The following KCNH7 variants were observed in gnomAD, a reference collection of about 807,000 sequenced individuals.
KCNH7 encodes voltage-gated inwardly rectifying potassium channel KCNH7.
KCNH7 carries 49 observed loss-of-function variants against 120.8 expected under a neutral mutation model. That is an observed-to-expected ratio of 0.41 (90% CI 0.32 to 0.51). The LOEUF (loss-of-function observed/expected upper bound fraction) is 0.51, where lower values mean the gene tolerates loss of function less well. Ranked by LOEUF, KCNH7 falls within the 20% of genes least tolerant of loss-of-function variation. KCNH7 has a pLI of 0.38. For synonymous variants in KCNH7, 547 were observed against 516.1 expected, an observed-to-expected ratio of 1.06 and a Z score of -0.81; for missense variants, 1,097 against 1,446.6, an observed-to-expected ratio of 0.76 and a Z score of 3.92.
chr2:162,828,564 A>G (rs1685368752), intron 2 of KCNH7, among the ~76,000 whole-genome samples: 1 of 152,158 alleles, frequency 6.6e-6, no homozygotes, highest in Admixed American at 6.6e-5. Context: ...AATGATACAT[A>G]AAAACACTCC....
chr2:162,587,578 T>TAC (rs369881598), intron 2 of KCNH7, among the ~76,000 whole-genome samples: 3 of 151,954 alleles, frequency 2.0e-5, no homozygotes, highest in Admixed American at 6.6e-5. Context: ...TATATTTAGT[T>TAC]ACACACACAC....
intron 6 of KCNH7, among the ~76,000 whole-genome samples, chr2:162,453,054 C>T (rs1688826464): frequency 6.6e-6 from 1 of 152,000 alleles, no homozygotes; most frequent in African/African-American, 2.4e-5. Flanking sequence ...AACCCATCAT[C>T]TAGCTTTTAA....
At chr2:162,742,725 A>G (rs1398738494) in intron 2 of KCNH7, among the ~76,000 whole-genome samples, 2 of 152,200 alleles carry the variant, frequency 1.3e-5, no homozygotes, top group East Asian at 3.9e-4. Flanking sequence ...GAGAAGAAGG[A>G]AGAGAGCAAG....
chr2:162,692,443 C>A (rs901560377), intron 2 of KCNH7, among the ~76,000 whole-genome samples: 1 of 152,116 alleles, frequency 6.6e-6, no homozygotes, highest in Admixed American at 6.6e-5. Context: ...CACTCATACA[C>A]ACCACACACA....
chr2:162,821,126 T>G (rs2105592586), intron 2 of KCNH7, among the ~76,000 whole-genome samples: 1 of 152,206 alleles, frequency 6.6e-6, no homozygotes, highest in South Asian at 2.1e-4. Flanking sequence ...AAAAAAATGG[T>G]TCTACACATA....
At chr2:162,394,597 T>C (rs1686849708) in intron 11 of KCNH7, 112 bp from the exon 12 acceptor site, 1 of 654,926 alleles carries the variant, frequency 1.5e-6, no homozygotes, top group African/African-American at 1.8e-5. Context: ...TGAGACTTAA[T>C]TATTAGATTG....
intron 6 of KCNH7, among the ~76,000 whole-genome samples, chr2:162,487,789 GA>G (rs1361203759): frequency 6.6e-6 from 1 of 152,114 alleles, no homozygotes; most frequent in Non-Finnish European, 1.5e-5. Flanking sequence ...TTCTATATGG[GA>G]TTTCTTTCTA....
At chr2:162,531,911 A>G (rs1004062062) in intron 3 of KCNH7, among the ~76,000 whole-genome samples, 1 of 151,968 alleles carries the variant, frequency 6.6e-6, no homozygotes, top group Non-Finnish European at 1.5e-5. Context: ...TTTTGGGACC[A>G]TGTTTTTCAT....
intron 6 of KCNH7, among the ~76,000 whole-genome samples, chr2:162,463,300 T>C (rs979799127): frequency 7.2e-5 from 11 of 151,964 alleles, no homozygotes; most frequent in Non-Finnish European, 1.5e-4. Flanking sequence ...CAGTCAGGTA[T>C]TAAATCATTT....
intron 6 of KCNH7, among the ~76,000 whole-genome samples, chr2:162,485,620 G>C (rs752967257): frequency 3.3e-5 from 5 of 152,138 alleles, no homozygotes; most frequent in Non-Finnish European, 7.4e-5. Flanking sequence ...AAGTGAGTTG[G>C]TAGATTCTGA....
rs1645243757 is a variant in KCNH7, at chr2:162,518,096, G to A, written c.526C>T (p.Pro176Ser). The A allele has an allele frequency of 3.1e-6, 5 of 1,612,098 alleles. No individual in the cohort carries two copies. Among genetic ancestry groups the A allele is most frequent in the South Asian group, 1.1e-5 (1 of 91,032 alleles). The change falls in exon 4 of 16, where the codon CCA (proline) becomes TCA (serine). Residue 176 changes from proline to serine, a missense_variant. Transcript: ENST00000332142. Reference protein sequence around the residue: ...RVLTYRKQSLPQEDPDVVVID... With the variant: ...RVLTYRKQSLSQEDPDVVVID... The stretch of plus-strand genomic sequence containing the variant: ...ACCACCACATCGGGGTCTTCTTGTG[G>A]TAAGGACTGCTTTCTGTAAGTGAGA...
Position 162,371,637 on chromosome 2 carries a change from A to C in KCNH7, c.*192T>G. The C allele has an allele frequency of 1.3e-6, 1 of 776,214 alleles. No individual in the cohort carries two copies. Among genetic ancestry groups the C allele is most frequent in the Non-Finnish European group, 1.9e-6 (1 of 518,548 alleles). 48.1% of individuals were successfully genotyped at this position (776,214 alleles called of 1,614,324 possible). A position where few individuals can be genotyped will look rare whatever the true frequency, so the allele number is the denominator to read the frequency against. On this transcript the variant is annotated 3_prime_UTR_variant, in exon 16 of 16. Coordinates refer to ENST00000332142, the MANE Select transcript of KCNH7 (RefSeq NM_033272.4). ...GGCAGTTTTAACATTTGGAACCAAA[A>C]GTTCTTATGTATATTTACATCCTAA...
intron 9 of KCNH7, among the ~76,000 whole-genome samples, chr2:162,418,990 C>T (rs1687621356): frequency 6.6e-6 from 1 of 151,918 alleles, no homozygotes; most frequent in Non-Finnish European, 1.5e-5. Flanking sequence ...AAAGCTCTCC[C>T]TGTCTTGAGC....
chr2:162,581,414 C>T (rs1693860318), intron 2 of KCNH7, among the ~76,000 whole-genome samples: 1 of 152,062 alleles, frequency 6.6e-6, no homozygotes, highest in African/African-American at 2.4e-5. Flanking sequence ...ACAACAATCA[C>T]TACTATAACA....
chr2:162,457,531 A>G (rs1005873659), intron 6 of KCNH7, among the ~76,000 whole-genome samples: 1 of 152,180 alleles, frequency 6.6e-6, no homozygotes, highest in African/African-American at 2.4e-5. Context: ...ATAAAACCAA[A>G]ACCTTTATAT....
intron 2 of KCNH7, among the ~76,000 whole-genome samples, chr2:162,713,621 C>G (rs142974068): frequency 1.3e-5 from 2 of 152,200 alleles, no homozygotes; most frequent in East Asian, 3.9e-4. Context: ...TTAATTCTGA[C>G]ATGTTTATTT....
At chr2:162,434,057 A>G (rs1009846097) in intron 8 of KCNH7, among the ~76,000 whole-genome samples, 2 of 151,782 alleles carry the variant, frequency 1.3e-5, no homozygotes, top group African/African-American at 4.8e-5. Flanking sequence ...CATAAAAAAG[A>G]AAAAAAAGCA....
At chr2:162,425,234 C>G (rs377537852) in intron 8 of KCNH7, among the ~76,000 whole-genome samples, 1 of 151,860 alleles carries the variant, frequency 6.6e-6, no homozygotes, top group African/African-American at 2.4e-5. Context: ...TATAACTGTG[C>G]GAGCCAATTT....
chr2:162,795,907 G>T (rs2105529580), intron 2 of KCNH7: 1 of 152,102 alleles, frequency 6.6e-6, no homozygotes, highest in African/African-American at 2.4e-5. Context: ...CCGATGTTGG[G>T]TATCTTACTC....
Sources: gnomAD v4.1 joint callset for allele counts (sites outside exome capture counted in the v4.1 genomes callset) on GRCh38, gnomAD v4.1.1 for gene constraint, MANE v1.5 for transcripts, NCBI Gene and HGNC (gene_info 2026-07-23, HGNC 2026-07-21) for gene names.